Variants in STK3 observed in about 807,000 individuals in gnomAD.
STK3 encodes serine/threonine-protein kinase 3.
STK3 carries 41 observed loss-of-function variants against 58.0 expected under a neutral mutation model. The observed-to-expected ratio is 0.71, with a 90% confidence interval of 0.55 to 0.92. The LOEUF is 0.92. Among genes scored for constraint, STK3 ranks in the 40% least tolerant of loss-of-function variants. The pLI, the probability that STK3 is intolerant of heterozygous loss-of-function variation, is 0.00. For synonymous variants in STK3, 170 were observed against 191.0 expected, an observed-to-expected ratio of 0.89 and a Z score of 0.91; for missense variants, 479 against 602.7, an observed-to-expected ratio of 0.79 and a Z score of 2.15.
At chr8:98,475,670 A>T (rs565383701) in intron 10 of STK3, among the ~76,000 whole-genome samples, 2 of 152,228 alleles carry the variant, frequency 1.3e-5, no homozygotes, top group African/African-American at 4.8e-5. Flanking sequence ...TTAAAGCATC[A>T]TCTGATATCT....
At chr8:98,928,453 C>T (rs1839886413) in intron 1 of STK3, among the ~76,000 whole-genome samples, 1 of 152,188 alleles carries the variant, frequency 6.6e-6, no homozygotes, top group African/African-American at 2.4e-5. Flanking sequence ...CTATGCATCT[C>T]CTTTAAAAGG....
At chr8:98,764,237 C>A (rs977987131) in intron 3 of STK3, among the ~76,000 whole-genome samples, 1 of 152,182 alleles carries the variant, frequency 6.6e-6, no homozygotes, top group African/African-American at 2.4e-5. Context: ...TCATTGTATT[C>A]TTTACTTTTC....
intron 3 of STK3, among the ~76,000 whole-genome samples, chr8:98,412,646 G>T (rs931140190): frequency 7.9e-5 from 12 of 152,156 alleles, no homozygotes; most frequent in Non-Finnish European, 1.3e-4. Context: ...TCTTAAAGCA[G>T]TTGCATATCT....
downstream of STK3, among the ~76,000 whole-genome samples, chr8:98,370,476 C>T (rs1429474512): frequency 6.6e-6 from 1 of 151,616 alleles, no homozygotes; most frequent in Non-Finnish European, 1.5e-5. Context: ...ACAGACTCAT[C>T]TTATGCCTGA....
At chr8:98,517,730 C>T (rs1406140049) in intron 10 of STK3, among the ~76,000 whole-genome samples, 3 of 151,948 alleles carry the variant, frequency 2.0e-5, no homozygotes, top group Admixed American at 6.6e-5. Flanking sequence ...TTTTTGAAAT[C>T]GAATGCTTTA....
intron 6 of STK3, among the ~76,000 whole-genome samples, chr8:98,636,157 TAAC>T (rs1819602306): frequency 6.6e-6 from 1 of 152,076 alleles, no homozygotes; most frequent in Non-Finnish European, 1.5e-5. Flanking sequence ...TCAATCCTCA[TAAC>T]AACTCCTCAG....
At chr8:98,528,926 A>G (rs1825943769) in intron 9 of STK3, among the ~76,000 whole-genome samples, 1 of 152,156 alleles carries the variant, frequency 6.6e-6, no homozygotes, top group African/African-American at 2.4e-5. Flanking sequence ...TTTAATATAA[A>G]ACATCCCCAG....
chr8:98,526,846 T>C lies in STK3; in HGVS notation c.1213A>G (p.Lys405Glu). ...TTCTGATTACAGTTTTCGTGACTCT[T>C]ATTCTTGAAGTCTTGCTTATCAAAG... ...DYFDKQDFKN[K>E]SHENCNQNMH... Residue 405 changes from lysine (K) to glutamate (E), a missense_variant, in exon 10 of 11, where the codon AAG (lysine) becomes GAG (glutamate). By Grantham distance (56) the Lys-to-Glu change is moderately conservative. Around this residue, in one of 3 missense-constraint regions of STK3, gnomAD observed 309 missense variants for 355.7 expected, o/e 0.87. Transcript: ENST00000419617. 6.2e-7 allele frequency: 1 copy of C among 1,600,114 alleles called. No homozygotes were observed. The highest frequency in any genetic ancestry group is 8.5e-7 in the Non-Finnish European group (1 of 1,171,138).
intron 1 of STK3, among the ~76,000 whole-genome samples, chr8:98,444,996 GGCT>G (rs1818874637): frequency 1.3e-5 from 2 of 152,150 alleles, no homozygotes; most frequent in East Asian, 3.9e-4. Flanking sequence ...AAGAATAGTT[GGCT>G]TTCTTCTGAG....
At chr8:98,499,460 G>A (rs1234349017) in intron 10 of STK3, among the ~76,000 whole-genome samples, 3 of 152,228 alleles carry the variant, frequency 2.0e-5, no homozygotes, top group Non-Finnish European at 4.4e-5. Flanking sequence ...GGACTTGACA[G>A]TAGGCAGAGG....
intron 6 of STK3, among the ~76,000 whole-genome samples, chr8:98,611,275 A>T (rs963462656): frequency 2.6e-5 from 4 of 152,196 alleles, no homozygotes; most frequent in Non-Finnish European, 5.9e-5. Flanking sequence ...TAAGAAAATC[A>T]AAATTAACAA....
chr8:98,534,001 A>G (rs1017461079), intron 9 of STK3, among the ~76,000 whole-genome samples: 15 of 152,336 alleles, frequency 9.8e-5, no homozygotes, highest in Admixed American at 9.8e-4. Flanking sequence ...TGCTATATGT[A>G]TTTCATTACT....
chr8:98,806,457 G>T (rs1833891297), intron 1 of STK3, among the ~76,000 whole-genome samples: 1 of 152,128 alleles, frequency 6.6e-6, no homozygotes. Flanking sequence ...ATGGCCAATG[G>T]GGATATTCCA....
upstream of STK3, among the ~76,000 whole-genome samples, chr8:98,830,452 A>G (rs534333314): frequency 6.9e-4 from 105 of 152,316 alleles, no homozygotes; most frequent in Non-Finnish European, 1.3e-3. Flanking sequence ...GTGTTACTCA[A>G]TAAAGGAATT....
chr8:98,534,146 G>T (rs977676630), intron 9 of STK3, among the ~76,000 whole-genome samples: 1 of 152,172 alleles, frequency 6.6e-6, no homozygotes, highest in African/African-American at 2.4e-5. Context: ...GAATATACAT[G>T]TATTAGTGGA....
chr8:98,874,217 T>G (rs1426112074), intron 3 of STK3, among the ~76,000 whole-genome samples: 3 of 152,232 alleles, frequency 2.0e-5, no homozygotes, highest in African/African-American at 7.2e-5. Context: ...CATCCGCTGT[T>G]AGTCTGTTGG....
intron 6 of STK3, among the ~76,000 whole-genome samples, chr8:98,622,237 C>G (rs1818391778): frequency 1.3e-5 from 2 of 151,630 alleles, no homozygotes; most frequent in African/African-American, 4.9e-5. Context: ...CCACTGCACT[C>G]CAGCCTGGGT....
At chr8:98,623,239 A>G (rs893931537) in intron 6 of STK3, among the ~76,000 whole-genome samples, 3 of 152,056 alleles carry the variant, frequency 2.0e-5, no homozygotes, top group East Asian at 1.9e-4. Flanking sequence ...AGAGAGGGGG[A>G]AAAAAGACAT....
chr8:98,703,213 C>G (rs1484183332), intron 6 of STK3, among the ~76,000 whole-genome samples: 1 of 152,140 alleles, frequency 6.6e-6, no homozygotes, highest in Non-Finnish European at 1.5e-5. Context: ...TCCACTTGCA[C>G]TGAGTTGGGA....
Sources: allele counts gnomAD v4.1 joint callset (sites outside exome capture counted in the v4.1 genomes callset), GRCh38; gene constraint gnomAD v4.1.1; regional missense constraint gnomAD v4.1.1; transcripts MANE v1.5; gene names NCBI Gene and HGNC (gene_info 2026-07-23, HGNC 2026-07-21).